Variants in HIPK1 observed in about 807,000 individuals in gnomAD.
HIPK1 encodes homeodomain interacting protein kinase 1, also known as homeodomain-interacting protein kinase 1.
In HIPK1, 28 loss-of-function variants were observed where a neutral mutation model predicts 117.1. The ratio of observed to expected loss-of-function variants is 0.24; its 90% CI spans 0.18 to 0.33. The LOEUF (loss-of-function observed/expected upper bound fraction) is 0.33, where lower values mean the gene tolerates loss of function less well. Ranked by LOEUF, HIPK1 falls within the 10% of genes least tolerant of loss-of-function variation. The pLI, the probability that HIPK1 is intolerant of heterozygous loss-of-function variation, is 1.00. For synonymous variants in HIPK1, 605 were observed against 562.5 expected (o/e 1.08, Z -1.07); for missense variants, 1,122 against 1,475.1 (o/e 0.76, Z 3.92).
At chr1:113,953,684 AT>A (rs1671516057) in intron 3 of HIPK1, among the ~76,000 whole-genome samples, 1 of 151,768 alleles carries the variant, frequency 6.6e-6, no homozygotes, top group South Asian at 2.1e-4. Flanking sequence ...TGACCAACTA[AT>A]TTTTGTATTT....
At chr1:113,932,874 G>A (rs1025681804) in intron 1 of HIPK1, among the ~76,000 whole-genome samples, 5 of 151,992 alleles carry the variant, frequency 3.3e-5, no homozygotes, top group African/African-American at 1.2e-4. Context: ...TCTTCTGAAA[G>A]AGCCTCCTCC....
At position 113,958,083 on chromosome 1, in the gene HIPK1, C is replaced by A; in HGVS notation, c.1773C>A (p.Ser591=). ...GTTTTTAGGCCAGTGTTCTAGCTTC[C>A]AGTTCTACTGCAGCAGCTGCTACTC... ...TVHNQASVLA[S]SSTAAAATLS... Residue 591 remains serine (S), a synonymous_variant, in exon 8 of 16, where the codon TCC becomes TCA. Coordinates refer to ENST00000426820, the MANE Select transcript of HIPK1 (RefSeq NM_198268.3). 1 of 1,613,756 alleles carries A rather than the reference C, an allele frequency of 6.2e-7. No individual in the cohort carries two copies. Among genetic ancestry groups the A allele is most frequent in the Non-Finnish European group, 8.5e-7 (1 of 1,179,700 alleles).
At chr1:113,939,323 TTC>T (rs1416408544) in intron 1 of HIPK1, among the ~76,000 whole-genome samples, 1 of 132,924 alleles carries the variant, frequency 7.5e-6, no homozygotes, top group African/African-American at 2.6e-5. Context: ...TAACTTTTTT[TTC>T]TGTTTTTTTT....
Position 113,969,953 on chromosome 1 carries a change from C to T in HIPK1, c.2772-3C>T, listed in dbSNP as rs1323116572. The T allele has an allele frequency of 6.2e-7, 1 of 1,613,682 alleles. No homozygotes were observed. Among genetic ancestry groups the T allele is most frequent in the East Asian group, 2.2e-5 (1 of 44,882 alleles). On this transcript the variant is annotated splice_polypyrimidine_tract_variant and splice_region_variant and intron_variant, in intron 13 of 15. Transcript: ENST00000426820. ...AATTTTCATGTATTTTTCTTTTCCT[C>T]AGCTCTGGACTGAAGCCAAGGTCTA...
chr1:113,977,671 C>T lies in HIPK1; in HGVS notation c.*4159C>T, dbSNP rs1356688131. The T allele has an allele frequency of 6.6e-6, 1 of 152,570 alleles. No individual in the cohort carries two copies. 9.5% of individuals were successfully genotyped at this position (152,570 alleles called of 1,614,324 possible). A position where few individuals can be genotyped will look rare whatever the true frequency, so the allele number is the denominator to read the frequency against. The stretch of plus-strand genomic sequence containing the variant: ...TGGGAAAAGGGTCCATTGTGTAAAA[C>T]ATAGTTTATCTTTGGATTCAATGTT... On this transcript the variant is annotated 3_prime_UTR_variant, in exon 16 of 16. Coordinates refer to ENST00000426820, the MANE Select transcript of HIPK1 (RefSeq NM_198268.3).
chr1:113,941,487 C>G lies in HIPK1; in HGVS notation c.1076+28C>G. 2 of 1,560,922 alleles carry G rather than the reference C, an allele frequency of 1.3e-6. No individual in the cohort carries two copies. Among genetic ancestry groups the G allele is most frequent in the South Asian group, 2.3e-5 (2 of 87,420 alleles). Reference sequence around the variant, plus strand: ...AAGTGGCAAATGCTGAAAATCGTATCTTAGGCTAGAGTTCTGTCCTTATAT... The same window carrying G: ...AAGTGGCAAATGCTGAAAATCGTATGTTAGGCTAGAGTTCTGTCCTTATAT... On this transcript the variant is annotated intron_variant, in intron 2 of 15. Transcript: ENST00000426820. The surrounding 1 kb of genome is among the most constrained non-coding windows in gnomAD (Gnocchi z 4.9).
chr1:113,968,531 C>T lies in HIPK1; in HGVS notation c.2654C>T (p.Pro885Leu). The T allele has an allele frequency of 6.2e-7, 1 of 1,613,698 alleles. No homozygotes were observed. Residue 885 changes from proline (P) to leucine (L), a missense_variant, in exon 13 of 16, where the codon CCT becomes CTT. By Grantham distance (98) the Pro-to-Leu change is moderately conservative (BLOSUM62 -3). Around this residue, in one of 6 missense-constraint regions of HIPK1, gnomAD observed 731 missense variants for 860.4 expected, o/e 0.85. Coordinates refer to ENST00000426820, the MANE Select transcript of HIPK1 (RefSeq NM_198268.3). ...RTTSSYNSLV[P>L]VQDQHQPIII... Reference sequence around the variant, plus strand: ...ACATCTTCTTATAATTCCTTGGTCCCTGTCCAAGATCAGCATCAGCCCATC... The same window carrying T: ...ACATCTTCTTATAATTCCTTGGTCCTTGTCCAAGATCAGCATCAGCCCATC...
At chr1:113,957,002 T>C (rs1671772423) in intron 6 of HIPK1, 122 bp from the exon 7 acceptor site, 1 of 930,744 alleles carries the variant, frequency 1.1e-6, no homozygotes, top group South Asian at 1.7e-5. Flanking sequence ...TTATACAAAT[T>C]CTTGATTTAT....
At chr1:113,945,749 G>A (rs1670948728) in intron 2 of HIPK1, among the ~76,000 whole-genome samples, 1 of 151,988 alleles carries the variant, frequency 6.6e-6, no homozygotes. Flanking sequence ...TTTGATTATT[G>A]TAGCTTTGTA....
Position 113,941,457 on chromosome 1 carries a change from C to T in HIPK1, c.1074C>T (p.Tyr358=), listed in dbSNP as rs1670629730. The T allele has an allele frequency of 6.2e-7, 1 of 1,608,146 alleles. No homozygotes were observed. The highest frequency in any genetic ancestry group is 8.5e-7 in the Non-Finnish European group (1 of 1,175,614). Residue 358 remains tyrosine (Y), a splice_region_variant and synonymous_variant, in exon 2 of 16, where the codon TAC becomes TAT. Coordinates refer to ENST00000426820, the MANE Select transcript of HIPK1 (RefSeq NM_198268.3). This position sits in a 1 kb window ranked among gnomAD's most constrained non-coding sequence, Gnocchi z 4.9. ...CAACCTACTTACAGTCACGTTACTACAGGCAAGTGGCAAATGCTGAAAATC... is the reference window on the plus strand; with the variant it reads ...CAACCTACTTACAGTCACGTTACTATAGGCAAGTGGCAAATGCTGAAAATC... The part of the protein sequence containing the change: ...VCSTYLQSRY[Y]RAPEIILGLP...
In HIPK1 at chr1:113,976,379, A is replaced by G. The variant is rs557107381; in HGVS notation, c.*2867A>G. ...GGAACACAGGTCTAGTTTCTAAAGG[A>G]CAAATTTTTTGTTCCTTGTCTTTTT... On this transcript the variant is annotated 3_prime_UTR_variant, in exon 16 of 16. Transcript: ENST00000426820. 192 of 152,450 alleles carry G rather than the reference A, an allele frequency of 1.3e-3. No homozygotes were observed. The highest frequency in any genetic ancestry group is 4.5e-3 in the African/African-American group (189 of 41,548). The allele number at this position is 152,450 out of a possible 1,614,324, so 9.4% of individuals were successfully genotyped here. A position where few individuals can be genotyped will look rare whatever the true frequency, so the allele number is the denominator to read the frequency against.
rs531477639 is a variant in HIPK1, at chr1:113,971,192, AAG to A, written c.3014-623_3014-622del. Among the ~76,000 whole-genome samples the A allele has an allele frequency of 9.3e-4, 141 of 152,348 alleles. 1 individual carries two copies. Among genetic ancestry groups the A allele is most frequent in the Middle Eastern group, 3.4e-3 (1 of 294 alleles). On this transcript the variant is annotated intron_variant, in intron 14 of 15. Transcript: ENST00000426820. ...AGTAGACAGTTGTCCCATTGCAGAC[AAG>A]AGAGAGAGCTTCCTGATGCCAGGCT...
Position 113,962,389 on chromosome 1 carries a change from A to G in HIPK1, c.2054A>G (p.Gln685Arg), listed in dbSNP as rs141561706. 1 of 1,614,020 alleles carries G rather than the reference A, an allele frequency of 6.2e-7. No homozygotes were observed. Among genetic ancestry groups the G allele is most frequent in the Non-Finnish European group, 8.5e-7 (1 of 1,179,920 alleles). ...GATAATGCTGTACCGATTGTACCCC[A>G]GGCACCAGCTGCTCAGCCACTACAG... ...RMDNAVPIVPQAPAAQPLQIQ... is the reference protein window; with the variant it reads ...RMDNAVPIVPRAPAAQPLQIQ... The change falls in exon 9 of 16, where the codon CAG becomes CGG. Residue 685 changes from glutamine (Q) to arginine (R), a missense_variant. This residue lies in a region of HIPK1 where 731 missense variants were observed against 860.4 expected (regional missense o/e 0.85). Transcript: ENST00000426820.
At chr1:113,953,258 A>G (rs1442747499) in intron 3 of HIPK1, among the ~76,000 whole-genome samples, 5 of 152,226 alleles carry the variant, frequency 3.3e-5, no homozygotes, top group Non-Finnish European at 5.9e-5. Flanking sequence ...CGGAGCTATT[A>G]TAATTTACTT....
chr1:113,932,702 G>A (rs1247842292), intron 1 of HIPK1, among the ~76,000 whole-genome samples: 1 of 152,066 alleles, frequency 6.6e-6, no homozygotes, highest in Admixed American at 6.5e-5. Flanking sequence ...TCTCATCTCG[G>A]AATTAGGGGG....
chr1:113,941,505 C>T lies in HIPK1; in HGVS notation c.1076+46C>T, dbSNP rs371644029. The T allele has an allele frequency of 4.1e-6, 6 of 1,467,496 alleles. No individual in the cohort carries two copies. In the African/African-American group the frequency reaches 7.0e-5, roughly 17 times the overall value. The allele number at this position is 1,467,496 out of a possible 1,614,324, so 90.9% of individuals were successfully genotyped here. A position where few individuals can be genotyped will look rare whatever the true frequency, so the allele number is the denominator to read the frequency against. On this transcript the variant is annotated intron_variant, in intron 2 of 15. Transcript: ENST00000426820. The surrounding 1 kb of genome is among the most constrained non-coding windows in gnomAD (Gnocchi z 4.9). ...ATCGTATCTTAGGCTAGAGTTCTGTCCTTATATTTAACATATACCCCGTAG... is the reference window on the plus strand; with the variant it reads ...ATCGTATCTTAGGCTAGAGTTCTGTTCTTATATTTAACATATACCCCGTAG...
intron 1 of HIPK1, among the ~76,000 whole-genome samples, chr1:113,936,331 C>T (rs1231223542): frequency 6.6e-6 from 1 of 152,102 alleles, no homozygotes; most frequent in Non-Finnish European, 1.5e-5. Flanking sequence ...GAAAAATATC[C>T]TAGAACTTGT....
Position 113,954,746 on chromosome 1 carries a change from G to T in HIPK1, c.1296G>T (p.Leu432Phe). Residue 432 changes from leucine (L) to phenylalanine (F), a missense_variant, in exon 4 of 16, where the codon TTG (leucine) becomes TTT (phenylalanine). Coordinates refer to ENST00000426820, the MANE Select transcript of HIPK1 (RefSeq NM_198268.3). ...GGTTTTTCAACAGAGATCCTAATTT[G>T]GGGTACCCACTGTGGAGGCTTAAGG... Reference protein sequence around the residue: ...TTRFFNRDPNLGYPLWRLKTP... With the variant: ...TTRFFNRDPNFGYPLWRLKTP... The T allele has an allele frequency of 6.2e-7, 1 of 1,613,966 alleles. No homozygotes were observed. The highest frequency in any genetic ancestry group is 8.5e-7 in the Non-Finnish European group (1 of 1,179,910).
intron 8 of HIPK1, among the ~76,000 whole-genome samples, chr1:113,961,626 A>G (rs1280222457): frequency 1.3e-5 from 2 of 152,148 alleles, no homozygotes; most frequent in African/African-American, 4.8e-5. Context: ...TTTTAAAAAC[A>G]AGTTTTTTTT....
Sources: gnomAD v4.1 joint callset for allele counts (sites outside exome capture counted in the v4.1 genomes callset) on GRCh38, gnomAD v4.1.1 for gene constraint, gnomAD v4.1.1 regional missense constraint, Gnocchi (gnomAD v3.1) non-coding constraint, MANE v1.5 for transcripts, NCBI Gene and HGNC (gene_info 2026-07-23, HGNC 2026-07-21) for gene names.